The following ELF2 variants were observed in gnomAD, a reference collection of about 807,000 sequenced individuals.
ELF2 encodes ETS-related transcription factor Elf-2.
ELF2 carries 11 observed loss-of-function variants against 54.8 expected under a neutral mutation model. That is an observed-to-expected ratio of 0.20 (90% confidence interval 0.13 to 0.33). ELF2 has a LOEUF of 0.33. Among genes scored for constraint, ELF2 ranks in the 10% least tolerant of loss-of-function variants. ELF2 has a pLI of 1.00. For missense variants in ELF2, 513 were observed against 703.0 expected (o/e 0.73, Z 3.06); for synonymous variants, 203 against 245.1 (o/e 0.83, Z 1.61).
At chr4:139,171,903 G>A (rs1417210408) in intron 1 of ELF2, among the ~76,000 whole-genome samples, 1 of 152,146 alleles carries the variant, frequency 6.6e-6, no homozygotes, top group East Asian at 1.9e-4. Flanking sequence ...CAGCCTGGGC[G>A]ACAGAGTGAC....
chr4:139,150,529 A>G (rs1739769014), intron 1 of ELF2, among the ~76,000 whole-genome samples: 1 of 151,798 alleles, frequency 6.6e-6, no homozygotes, highest in African/African-American at 2.4e-5. Flanking sequence ...AAAAAAAAAA[A>G]AAAAAAAAAT....
At chr4:139,124,922 T>C (rs1736766288) in intron 4 of ELF2, among the ~76,000 whole-genome samples, 1 of 152,208 alleles carries the variant, frequency 6.6e-6, no homozygotes, top group South Asian at 2.1e-4. Flanking sequence ...ACTTTATCAT[T>C]ATGTGAAGCT....
At chr4:139,065,120 CATAAG>C (rs1560756752) in intron 7 of ELF2, among the ~76,000 whole-genome samples, 1 of 152,168 alleles carries the variant, frequency 6.6e-6, no homozygotes, top group East Asian at 1.9e-4. Context: ...ATGCCCTGTA[CATAAG>C]ATATCTGAAT....
At chr4:139,150,473 C>CA (rs1349261593) in intron 1 of ELF2, among the ~76,000 whole-genome samples, 1 of 146,338 alleles carries the variant, frequency 6.8e-6, no homozygotes, top group African/African-American at 2.5e-5. Flanking sequence ...AAGCCGTGAT[C>CA]ACACCAGTGT....
intron 4 of ELF2, among the ~76,000 whole-genome samples, chr4:139,111,631 T>C (rs72949642): frequency 0.015 from 2,248 of 152,182 alleles, 63 homozygotes; most frequent in African/African-American, 0.051. Context: ...GGACTCGCTG[T>C]TTTGAGTCTC....
intron 3 of ELF2, 105 bp downstream of exon 3, chr4:139,137,525 C>T (rs1482946155): frequency 1.8e-6 from 2 of 1,141,078 alleles, no homozygotes; most frequent in Admixed American, 1.8e-5. Flanking sequence ...TAATTTCATG[C>T]TTTGTACATT....
intron 4 of ELF2, among the ~76,000 whole-genome samples, chr4:139,087,029 T>G (rs1449068830): frequency 1.3e-5 from 2 of 152,228 alleles, no homozygotes; most frequent in African/African-American, 4.8e-5. Flanking sequence ...GCATTCATTT[T>G]GAGGCATGAA....
At chr4:139,158,892 G>A (rs1740813329) in intron 1 of ELF2, among the ~76,000 whole-genome samples, 1 of 152,056 alleles carries the variant, frequency 6.6e-6, no homozygotes, top group Non-Finnish European at 1.5e-5. Flanking sequence ...GTTTTTAAAA[G>A]ACAATTAGTC....
chr4:139,105,702 T>C (rs1211379003), intron 4 of ELF2, among the ~76,000 whole-genome samples: 1 of 152,082 alleles, frequency 6.6e-6, no homozygotes, highest in African/African-American at 2.4e-5. Context: ...CTGGGCAACA[T>C]ACAGAGATTC....
chr4:139,086,822 A>T (rs1483808086), intron 4 of ELF2, among the ~76,000 whole-genome samples: 1 of 152,216 alleles, frequency 6.6e-6, no homozygotes, highest in Non-Finnish European at 1.5e-5. Flanking sequence ...AAGGATGTTA[A>T]ATTATTTATA....
At chr4:139,069,299 T>G (rs1729175019) in intron 6 of ELF2, among the ~76,000 whole-genome samples, 1 of 152,228 alleles carries the variant, frequency 6.6e-6, no homozygotes, top group Non-Finnish European at 1.5e-5. Context: ...CATCTTAACA[T>G]CTGTATTTCA....
At chr4:139,084,361 C>T (rs1421528832) in intron 4 of ELF2, 2 of 1,482,544 alleles carry the variant, frequency 1.3e-6, no homozygotes, top group African/African-American at 1.4e-5. Flanking sequence ...CGACAGGAAG[C>T]CGAGGCCGGC....
At position 139,116,299 on chromosome 4, in the gene ELF2, G is replaced by A. The variant is rs141797146; in HGVS notation, c.238+8865C>T. ...ACCTCAAGAAAATAAATAATTGGGG[G>A]AAAAAAACACTTATTAAAAATTTAG... On this transcript the variant is annotated intron_variant, in intron 4 of 9. Transcript: ENST00000686138. Among the ~76,000 whole-genome samples, 11 of 149,132 alleles carry A rather than the reference G, an allele frequency of 7.4e-5. No individual in the cohort carries two copies. In the East Asian group the frequency reaches 2.1e-3, roughly 29 times the overall value.
chr4:139,118,421 A>G (rs148626341), intron 4 of ELF2, among the ~76,000 whole-genome samples: 3 of 152,316 alleles, frequency 2.0e-5, no homozygotes, highest in African/African-American at 4.8e-5. Flanking sequence ...GTCTTTGAGC[A>G]AACACTCAGA....
At position 139,072,053 on chromosome 4, in the gene ELF2, T is replaced by C; in HGVS notation, c.353-14A>G. ...CAAACACTTCCACTATAAAAAAAAG[T>C]TGAAAAATTAAAATTTCCCACCCCC... On this transcript the variant is annotated splice_polypyrimidine_tract_variant and intron_variant, in intron 5 of 9. Transcript: ENST00000686138. 1.2e-6 allele frequency: 2 copies of C among 1,605,852 alleles called. No individual in the cohort carries two copies. The highest frequency in any genetic ancestry group is 1.7e-6 in the Non-Finnish European group (2 of 1,178,188).
At chr4:139,160,193 T>G (rs1740985455) in intron 1 of ELF2, among the ~76,000 whole-genome samples, 2 of 152,092 alleles carry the variant, frequency 1.3e-5, no homozygotes, top group Admixed American at 6.6e-5. Flanking sequence ...AAAAATTAGC[T>G]GGGCGTGGTG....
rs770663837 is a variant in ELF2, at chr4:139,125,256, T to C, written c.146A>G (p.Tyr49Cys). ...ATCATAAACCAGAACCTGGGCTGCA[T>C]AGCCCTGCTCTAATCTGGCACTTGG... The part of the protein sequence containing the change: ...PVPSARLEQG[Y>C]AAQVLVYDDE... The change falls in exon 4 of 10, where the codon TAT (tyrosine) becomes TGT (cysteine). Residue 49 changes from tyrosine (Y) to cysteine (C), a missense_variant. By Grantham distance (194) the Tyr-to-Cys change is radical (BLOSUM62 -2). Around this residue, in one of 3 missense-constraint regions of ELF2, gnomAD observed 203 missense variants for 245.9 expected, o/e 0.83. Transcript: ENST00000686138. 6 of 1,613,930 alleles carry C rather than the reference T, an allele frequency of 3.7e-6. No homozygotes were observed. In the East Asian group the frequency reaches 8.9e-5, roughly 24 times the overall value.
chr4:139,104,641 T>C (rs1734244227), intron 4 of ELF2, among the ~76,000 whole-genome samples: 1 of 152,146 alleles, frequency 6.6e-6, no homozygotes, highest in Admixed American at 6.5e-5. Flanking sequence ...ACAGGCTGAG[T>C]TCTTAGCATT....
intron 4 of ELF2, among the ~76,000 whole-genome samples, chr4:139,118,443 T>C (rs1193474096): frequency 2.0e-5 from 3 of 152,106 alleles, no homozygotes; most frequent in Admixed American, 6.6e-5. Context: ...GCATAAATAG[T>C]ACAATCCATG....
Sources: allele counts gnomAD v4.1 joint callset (sites outside exome capture counted in the v4.1 genomes callset), GRCh38; gene constraint gnomAD v4.1.1; regional missense constraint gnomAD v4.1.1; transcripts MANE v1.5; gene names NCBI Gene and HGNC (gene_info 2026-07-23, HGNC 2026-07-21).